The following UPF1 variants were observed in gnomAD, a reference collection of about 807,000 sequenced individuals.
UPF1 encodes UPF1 RNA helicase and ATPase.
UPF1 carries 9 observed loss-of-function variants against 129.2 expected under a neutral mutation model. The observed-to-expected ratio is 0.07, with a 90% CI of 0.04 to 0.12. The LOEUF (loss-of-function observed/expected upper bound fraction) is 0.12, where lower values mean the gene tolerates loss of function less well. Ranked by LOEUF, UPF1 falls within the 10% of genes least tolerant of loss-of-function variation. The pLI, the probability that UPF1 is intolerant of heterozygous loss-of-function variation, is 1.00. For missense variants in UPF1, 788 were observed against 1,525.3 expected, an observed-to-expected ratio of 0.52 and a Z score of 8.05; for synonymous variants, 649 against 644.9, an observed-to-expected ratio of 1.01 and a Z score of -0.10.
rs1011785041 is a variant in UPF1, at chr19:18,832,114, A to G, written c.-96A>G. On this transcript the variant is annotated 5_prime_UTR_variant, in exon 1 of 24. Transcript: ENST00000262803. This position sits in a 1 kb window ranked among gnomAD's most constrained non-coding sequence, Gnocchi z 5.6. ...TCCTTTCCGGGCGCGCGGGGGCGACAGCGGCAGCGACCCGAGGCCTGCGGC... is the reference window on the plus strand; with the variant it reads ...TCCTTTCCGGGCGCGCGGGGGCGACGGCGGCAGCGACCCGAGGCCTGCGGC... 24 of 1,170,306 alleles carry G rather than the reference A, an allele frequency of 2.1e-5. No homozygotes were observed. The African/African-American group carries it at 3.0e-4, about 15-fold the overall frequency. The allele number at this position is 1,170,306 out of a possible 1,614,324, so 72.5% of individuals were successfully genotyped here. A position where few individuals can be genotyped will look rare whatever the true frequency, so the allele number is the denominator to read the frequency against.
intron 5 of UPF1, 131 bp from the exon 6 acceptor site, chr19:18,852,004 T>C: frequency 7.5e-7 from 1 of 1,338,932 alleles, no homozygotes; most frequent in Non-Finnish European, 9.8e-7. Flanking sequence ...CCAGAACCCC[T>C]CCATGCCACC....
rs774604366 is a variant in UPF1 at position 18,852,126 on chromosome 19, G to T, written c.811-9G>T. 1 of 1,599,030 alleles carries T rather than the reference G, an allele frequency of 6.3e-7. No individual in the cohort carries two copies. The highest frequency in any genetic ancestry group is 8.5e-7 in the Non-Finnish European group (1 of 1,173,022). On this transcript the variant is annotated splice_polypyrimidine_tract_variant and intron_variant, in intron 5 of 23. Transcript: ENST00000262803. ...AGGACGAGTGTGGCGCGGTGTTGTT[G>T]TCTTCTAGGAAAACCCTTCTGCCAC...
Position 18,865,592 on chromosome 19 carries a change from T to A in UPF1, c.3051T>A (p.Arg1017=), listed in dbSNP as rs774438876. The change falls in exon 22 of 24, where the codon CGT becomes CGA. Residue 1017 remains arginine, a synonymous_variant. Transcript: ENST00000262803. The surrounding 1 kb of genome is among the most constrained non-coding windows in gnomAD (Gnocchi z 6.1). ...GCACCCCGAAAGGCAAGACTGGTCG[T>A]GGGGGACGCCAGAAGAACCGCTTTG... ...GRGTPKGKTG[R]GGRQKNRFGL... 1 of 1,613,856 alleles carries A rather than the reference T, an allele frequency of 6.2e-7. No individual in the cohort carries two copies. Among genetic ancestry groups the A allele is most frequent in the Admixed American group, 1.7e-5 (1 of 60,032 alleles).
At chr19:18,855,654 A>G (rs1035329973) in intron 11 of UPF1, 21 of 525,396 alleles carry the variant, frequency 4.0e-5, no homozygotes, top group Non-Finnish European at 6.4e-5. Flanking sequence ...GTTTAAGGCC[A>G]GCCTGAACAG....
Position 18,853,087 on chromosome 19 carries a change from T to A in UPF1, c.1057+16T>A, listed in dbSNP as rs1366392228. 1.9e-6 allele frequency: 3 copies of A among 1,613,732 alleles called. No homozygotes were observed. The Admixed American group carries it at 5.0e-5, about 27-fold the overall frequency. On this transcript the variant is annotated intron_variant, in intron 7 of 23. Coordinates refer to ENST00000262803, the MANE Select transcript of UPF1 (RefSeq NM_002911.4). This position sits in a 1 kb window ranked among gnomAD's most constrained non-coding sequence, Gnocchi z 4.4. ...ACTGACTCTGGTAATGAGGATTTAGTCATAATTTGGTTAAGAGGTGATTTT... is the reference window on the plus strand; with the variant it reads ...ACTGACTCTGGTAATGAGGATTTAGACATAATTTGGTTAAGAGGTGATTTT...
intron 6 of UPF1, among the ~76,000 whole-genome samples, chr19:18,852,639 C>T (rs1351728948): frequency 1.3e-5 from 2 of 148,312 alleles, no homozygotes; most frequent in African/African-American, 5.1e-5. Context: ...CCTCCCCTCC[C>T]TCCCTCCCCT....
At chr19:18,862,851 A>G (rs2145970111) in intron 18 of UPF1, 1 of 152,252 alleles carries the variant, frequency 6.6e-6, no homozygotes, top group Admixed American at 6.5e-5. Flanking sequence ...AAAAAAAAAA[A>G]CACTAGACAG....
chr19:18,854,643 G>A lies in UPF1; in HGVS notation c.1199G>A (p.Gly400Asp), dbSNP rs2055695852. The change falls in exon 9 of 24, where the codon GGT (glycine) becomes GAT (aspartate). Residue 400 changes from glycine (G) to aspartate (D), a missense_variant. This residue lies in a region of UPF1 where 227 missense variants were observed against 517.9 expected (regional missense o/e 0.44). Transcript: ENST00000262803. ...EIAIELRSSV[G>D]APVEVTHNFQ... Reference sequence around the variant, plus strand: ...GCCATTGAGCTGCGGAGCAGCGTGGGTGCACCTGTGGAGGTGACTCACAAC... The same window carrying A: ...GCCATTGAGCTGCGGAGCAGCGTGGATGCACCTGTGGAGGTGACTCACAAC... 6.2e-7 allele frequency: 1 copy of A among 1,614,030 alleles called. No homozygotes were observed. Among genetic ancestry groups the A allele is most frequent in the Non-Finnish European group, 8.5e-7 (1 of 1,180,014 alleles).
rs551727214 is a variant in UPF1 at position 18,855,354 on chromosome 19, C to T, written c.1544+112C>T. 20 of 1,175,532 alleles carry T rather than the reference C, an allele frequency of 1.7e-5. No individual in the cohort carries two copies. The East Asian group carries it at 1.7e-4, about 10-fold the overall frequency. 72.8% of individuals were successfully genotyped at this position (1,175,532 alleles called of 1,614,324 possible). ...CTGTCACACCGAAGAGAGCACGTGG[C>T]GGGTAGTGTCGCCATGGTGCCTACC... On this transcript the variant is annotated intron_variant, in intron 11 of 23. Transcript: ENST00000262803.
Position 18,857,340 on chromosome 19 carries a change from C to T in UPF1, c.1989C>T (p.His663=), listed in dbSNP as rs776369992. Residue 663 remains histidine, a synonymous_variant, in exon 15 of 24, where the codon CAC becomes CAT. Transcript: ENST00000262803. ...TACAGCTGATCCTTGTAGGCGACCA[C>T]TGCCAGCTGGGCCCAGTGGTGATGT... ...GAKQLILVGD[H]CQLGPVVMCK... 4 of 1,612,820 alleles carry T rather than the reference C, an allele frequency of 2.5e-6. No homozygotes were observed. In the Admixed American group the frequency reaches 6.7e-5, roughly 27 times the overall value.
Position 18,865,393 on chromosome 19 carries a change from G to T in UPF1, c.2962G>T (p.Val988Phe), listed in dbSNP as rs1217278570. ...GAACATTCCCATCCCCTTCAACCTGGTCATGCCACCCATGCCACCGCCTGG... is the reference window on the plus strand; with the variant it reads ...GAACATTCCCATCCCCTTCAACCTGTTCATGCCACCCATGCCACCGCCTGG... ...AMNIPIPFNL[V>F]MPPMPPPGYF... Residue 988 changes from valine (V) to phenylalanine (F), a missense_variant, in exon 21 of 24, where the codon GTC becomes TTC. Transcript: ENST00000262803. This position sits in a 1 kb window ranked among gnomAD's most constrained non-coding sequence, Gnocchi z 6.1. The T allele has an allele frequency of 6.2e-7, 1 of 1,613,940 alleles. No individual in the cohort carries two copies. Among genetic ancestry groups the T allele is most frequent in the Non-Finnish European group, 8.5e-7 (1 of 1,180,002 alleles).
intron 13 of UPF1, among the ~76,000 whole-genome samples, chr19:18,856,633 C>T (rs180893850): frequency 2.3e-4 from 35 of 152,276 alleles, no homozygotes; most frequent in Admixed American, 1.7e-3. Context: ...TGGAGGCTGT[C>T]GTGAGGCGCA....
intron 3 of UPF1, 172 bp from the exon 4 acceptor site, chr19:18,849,903 G>A (rs995772655): frequency 7.0e-6 from 5 of 718,550 alleles, no homozygotes; most frequent in Non-Finnish European, 1.1e-5. Context: ...TGTGCTCAGT[G>A]GGGAGCTAGT....
chr19:18,861,946 T>C, intron 17 of UPF1, 64 bp from the exon 18 acceptor site: 1 of 1,589,502 alleles, frequency 6.3e-7, no homozygotes, highest in Non-Finnish European at 8.6e-7. Context: ...GTGTGTTTCC[T>C]GCATTTTGGG....
chr19:18,847,223 G>A (rs2055610240), intron 2 of UPF1, among the ~76,000 whole-genome samples: 1 of 152,216 alleles, frequency 6.6e-6, no homozygotes, highest in Non-Finnish European at 1.5e-5. Context: ...TGCAGCTCTG[G>A]GGAGCTAGTA....
chr19:18,852,423 A>C, intron 6 of UPF1, 127 bp downstream of exon 6: 1 of 1,398,164 alleles, frequency 7.2e-7, no homozygotes, highest in Non-Finnish European at 9.6e-7. Flanking sequence ...GCGACACCTG[A>C]GAGTTGGAAC....
Position 18,847,821 on chromosome 19 carries a change from A to G in UPF1, c.449A>G (p.Asn150Ser), listed in dbSNP as rs1383163540. 1 of 1,614,214 alleles carries G rather than the reference A, an allele frequency of 6.2e-7. No homozygotes were observed. The change falls in exon 3 of 24, where the codon AAT becomes AGT. Residue 150 changes from asparagine to serine, a missense_variant. Transcript: ENST00000262803. ...SKKWFCNGRG[N>S]TSGSHIVNHL... ...AAGTGGTTCTGCAACGGACGTGGAA[A>G]TACTTCTGGCAGGTAGATAATCAGA...
intron 18 of UPF1, 185 bp from the exon 19 acceptor site, chr19:18,863,253 C>G (rs1324882079): frequency 1.4e-6 from 1 of 707,592 alleles, no homozygotes; most frequent in East Asian, 2.6e-5. Context: ...AACCCGTGTG[C>G]AGGGTCAGTG....
intron 18 of UPF1, among the ~76,000 whole-genome samples, 172 bp downstream of exon 18, chr19:18,862,324 C>G (rs2055789296): frequency 6.6e-6 from 1 of 152,160 alleles, no homozygotes; most frequent in African/African-American, 2.4e-5. Context: ...TGGGGGTTTG[C>G]TGTGGCCCCT....
Sources: gnomAD v4.1 joint callset for allele counts (sites outside exome capture counted in the v4.1 genomes callset) on GRCh38, gnomAD v4.1.1 for gene constraint, gnomAD v4.1.1 regional missense constraint, Gnocchi (gnomAD v3.1) non-coding constraint, MANE v1.5 for transcripts, NCBI Gene and HGNC (gene_info 2026-07-23, HGNC 2026-07-21) for gene names.